TMEM117: variants seen among roughly 807,000 people sequenced by gnomAD.
The protein encoded by TMEM117 is transmembrane protein 117.
Under a neutral mutation model 52.4 loss-of-function variants are expected in TMEM117, and 27 were observed. That is an observed-to-expected ratio of 0.51 (90% CI 0.38 to 0.71). The LOEUF (loss-of-function observed/expected upper bound fraction) is 0.71. Among genes scored for constraint, TMEM117 ranks in the 30% least tolerant of loss-of-function variants. The pLI is 0.00. For synonymous variants in TMEM117, 215 were observed against 206.3 expected (o/e 1.04, Z -0.36); for missense variants, 556 against 630.5 (o/e 0.88, Z 1.26).
chr12:43,910,220 A>C (rs1944472427), intron 2 of TMEM117, among the ~76,000 whole-genome samples: 1 of 152,056 alleles, frequency 6.6e-6, no homozygotes, highest in South Asian at 2.1e-4. Flanking sequence ...AATCCAGCAT[A>C]TAAGCAGAAC....
At chr12:43,861,897 G>A (rs189425605) in intron 2 of TMEM117, among the ~76,000 whole-genome samples, 34 of 152,158 alleles carry the variant, frequency 2.2e-4, no homozygotes, top group African/African-American at 7.0e-4. Flanking sequence ...CAATTCATCA[G>A]ATATTTTTGT....
Position 44,027,282 on chromosome 12 carries a change from C to T in TMEM117, c.410+82940C>T, listed in dbSNP as rs550990929. Among the ~76,000 whole-genome samples, 5 of 151,468 alleles carry T rather than the reference C, an allele frequency of 3.3e-5. No homozygotes were observed. In the East Asian group the frequency reaches 9.7e-4, roughly 29 times the overall value. ...CTCATTGCAACCTCCACCTCCTGGG[C>T]TCAAGTGATACCTCCCAAGTAGCTG... is the stretch of plus-strand genomic sequence containing the variant. On this transcript the variant is annotated intron_variant, in intron 3 of 7. Coordinates refer to ENST00000266534, the MANE Select transcript of TMEM117 (RefSeq NM_032256.3).
At chr12:44,082,738 A>G (rs1024167703) in intron 3 of TMEM117, among the ~76,000 whole-genome samples, 1 of 152,178 alleles carries the variant, frequency 6.6e-6, no homozygotes, top group African/African-American at 2.4e-5. Flanking sequence ...ACACAACAAT[A>G]TAATGAACTC....
chr12:44,360,872 G>A (rs1292834068), intron 6 of TMEM117, among the ~76,000 whole-genome samples: 3 of 152,084 alleles, frequency 2.0e-5, no homozygotes, highest in Admixed American at 2.0e-4. Flanking sequence ...AAGTAATGTT[G>A]CAAATTGACT....
intron 4 of TMEM117, among the ~76,000 whole-genome samples, chr12:44,204,637 A>G (rs1171101937): frequency 6.6e-6 from 1 of 152,172 alleles, no homozygotes; most frequent in African/African-American, 2.4e-5. Context: ...GAGGCATCAC[A>G]CTACCTGACT....
intron 2 of TMEM117, among the ~76,000 whole-genome samples, chr12:43,874,713 AT>A (rs1943764149): frequency 6.6e-6 from 1 of 152,224 alleles, no homozygotes; most frequent in African/African-American, 2.4e-5. Context: ...CACTTTTAGC[AT>A]TCTTTTTAAT....
intron 6 of TMEM117, among the ~76,000 whole-genome samples, chr12:44,331,006 G>T (rs1439905306): frequency 6.6e-6 from 1 of 151,824 alleles, no homozygotes; most frequent in Admixed American, 6.6e-5. Flanking sequence ...TAGCAAGTCT[G>T]GGAACCTAAC....
At chr12:44,058,409 G>C (rs138639169) in intron 3 of TMEM117, among the ~76,000 whole-genome samples, 181 of 152,214 alleles carry the variant, frequency 1.2e-3, no homozygotes, top group African/African-American at 4.1e-3. Context: ...GATATTACCT[G>C]GATCAATTTT....
chr12:44,070,738 G>A (rs1947289077), intron 3 of TMEM117, among the ~76,000 whole-genome samples: 1 of 152,116 alleles, frequency 6.6e-6, no homozygotes, highest in Non-Finnish European at 1.5e-5. Context: ...TATATCCTGG[G>A]ACCTAACTTT....
intron 5 of TMEM117, among the ~76,000 whole-genome samples, chr12:44,224,364 C>T (rs1949831211): frequency 6.6e-6 from 1 of 152,124 alleles, no homozygotes. Context: ...TTAAATTAGA[C>T]CTTTTTGTCC....
chr12:44,255,169 T>C (rs1950245305), intron 5 of TMEM117, among the ~76,000 whole-genome samples: 1 of 152,202 alleles, frequency 6.6e-6, no homozygotes, highest in Non-Finnish European at 1.5e-5. Flanking sequence ...TTTGGATATA[T>C]ACCCAGTAAT....
chr12:44,345,925 T>C (rs1445543563), intron 6 of TMEM117, among the ~76,000 whole-genome samples: 1 of 152,116 alleles, frequency 6.6e-6, no homozygotes, highest in Non-Finnish European at 1.5e-5. Context: ...TTATTTTACT[T>C]CTATAGAAAC....
chr12:43,882,359 C>G (rs2137453980), intron 2 of TMEM117, among the ~76,000 whole-genome samples: 1 of 149,148 alleles, frequency 6.7e-6, no homozygotes, highest in Non-Finnish European at 1.5e-5. Context: ...ACTCAGGAGG[C>G]TGAGGCAGGA....
chr12:44,235,339 G>A (rs1486110357), intron 5 of TMEM117, among the ~76,000 whole-genome samples: 1 of 150,564 alleles, frequency 6.6e-6, no homozygotes, highest in African/African-American at 2.4e-5. Flanking sequence ...CCTGTTAAAT[G>A]CACAGTTAGA....
chr12:44,306,902 T>C (rs968219381), intron 6 of TMEM117, among the ~76,000 whole-genome samples: 1 of 152,194 alleles, frequency 6.6e-6, no homozygotes, highest in African/African-American at 2.4e-5. Flanking sequence ...TAAAAAGCAC[T>C]CTGTGGTATA....
At chr12:44,027,366 G>A (rs1946558750) in intron 3 of TMEM117, among the ~76,000 whole-genome samples, 1 of 151,700 alleles carries the variant, frequency 6.6e-6, no homozygotes, top group Non-Finnish European at 1.5e-5. Flanking sequence ...TAGAGATGGG[G>A]TTTCACCATG....
intron 5 of TMEM117, among the ~76,000 whole-genome samples, chr12:44,241,396 A>G (rs890516000): frequency 6.7e-6 from 1 of 150,308 alleles, no homozygotes; most frequent in African/African-American, 2.5e-5. Context: ...TTAAAAAGAC[A>G]TAGTGATTCC....
At chr12:43,808,690 A>G in the TMEM117 span, among the ~76,000 whole-genome samples, 3 of 151,876 alleles carry the variant, frequency 2.0e-5, no homozygotes, top group African/African-American at 7.3e-5. Flanking sequence ...TGACACCTGT[A>G]GTCCCAGCTC....
At chr12:44,181,912 G>A (rs1322837745) in intron 4 of TMEM117, among the ~76,000 whole-genome samples, 2 of 152,006 alleles carry the variant, frequency 1.3e-5, no homozygotes, top group East Asian at 3.8e-4. Flanking sequence ...TAGCTTGATG[G>A]GGATGGCCTT....
Sources: gnomAD v4.1 joint callset for allele counts (sites outside exome capture counted in the v4.1 genomes callset) on GRCh38, gnomAD v4.1.1 for gene constraint, MANE v1.5 for transcripts, NCBI Gene and HGNC (gene_info 2026-07-23, HGNC 2026-07-21) for gene names.